Variants in CDH23 observed in about 807,000 individuals in gnomAD.
The protein encoded by CDH23 is cadherin related 23.
In CDH23, 189 loss-of-function variants were observed where a neutral mutation model predicts 317.1. The ratio of observed to expected loss-of-function variants is 0.60; its 90% confidence interval spans 0.53 to 0.67. The LOEUF (loss-of-function observed/expected upper bound fraction) is 0.67. Among genes scored for constraint, CDH23 ranks in the 30% least tolerant of loss-of-function variants. CDH23 has a pLI of 0.00. For synonymous variants in CDH23, 1,839 were observed against 1,876.8 expected, an observed-to-expected ratio of 0.98 and a Z score of 0.52; for missense variants, 4,401 against 4,592.4, an observed-to-expected ratio of 0.96 and a Z score of 1.20.
intron 38 of CDH23, among the ~76,000 whole-genome samples, chr10:71,772,050 G>A (rs1262123955): frequency 6.6e-6 from 1 of 152,168 alleles, no homozygotes; most frequent in African/African-American, 2.4e-5. Context: ...GCCCTGCCAT[G>A]AGCCATGGCC....
In CDH23 at chr10:71,761,714, G is replaced by A; in HGVS notation, c.4846-15966G>A. 3.1e-6 allele frequency: 5 copies of A among 1,614,132 alleles called. No individual in the cohort carries two copies. In the South Asian group the frequency reaches 5.5e-5, roughly 18 times the overall value. On this transcript the variant is annotated intron_variant, in intron 38 of 69. Coordinates refer to ENST00000224721, the MANE Select transcript of CDH23 (RefSeq NM_022124.6). ...ATCCAGCAGGGTCAGGTTGCGCATGGTGATGGAGAAGTTGCCATGGTGGTC... is the reference window on the plus strand; with the variant it reads ...ATCCAGCAGGGTCAGGTTGCGCATGATGATGGAGAAGTTGCCATGGTGGTC...
intron 3 of CDH23, among the ~76,000 whole-genome samples, chr10:71,489,985 T>C (rs1040055796): frequency 3.9e-5 from 6 of 152,066 alleles, no homozygotes; most frequent in Non-Finnish European, 7.4e-5. Context: ...CTAGTCACTC[T>C]GACAATAAGG....
rs768245109 is a variant in CDH23, at chr10:71,439,907, A to C, written c.67+9A>C. On this transcript the variant is annotated intron_variant, in intron 2 of 69. Coordinates refer to ENST00000224721, the MANE Select transcript of CDH23 (RefSeq NM_022124.6). ...GATCTCTGGATGCTGGGGTAAGTCC[A>C]GTCCTCCCCGTGTCTATCCCATGGG... 6.4e-7 allele frequency: 1 copy of C among 1,566,804 alleles called. No individual in the cohort carries two copies. Among genetic ancestry groups the C allele is most frequent in the East Asian group, 2.4e-5 (1 of 42,458 alleles).
chr10:71,678,219 C>T (rs888792028), intron 16 of CDH23, among the ~76,000 whole-genome samples: 8 of 152,122 alleles, frequency 5.3e-5, no homozygotes, highest in African/African-American at 1.9e-4. Context: ...TCAGGACCTC[C>T]TCCAAGCCCT....
At chr10:71,445,440 C>G (rs1422261946) in intron 2 of CDH23, among the ~76,000 whole-genome samples, 1 of 152,216 alleles carries the variant, frequency 6.6e-6, no homozygotes, top group Non-Finnish European at 1.5e-5. Flanking sequence ...ACCCGTCAAC[C>G]AAGCCCTGTC....
At chr10:71,586,317 C>T (rs764627338) in intron 9 of CDH23, among the ~76,000 whole-genome samples, 1 of 152,118 alleles carries the variant, frequency 6.6e-6, no homozygotes, top group Non-Finnish European at 1.5e-5. Flanking sequence ...AAGATAACTG[C>T]TTTTTATTGA....
At chr10:71,442,014 C>A (rs1397849788) in intron 2 of CDH23, among the ~76,000 whole-genome samples, 1 of 152,178 alleles carries the variant, frequency 6.6e-6, no homozygotes, top group Non-Finnish European at 1.5e-5. Context: ...CTCAGGTTGT[C>A]AAAGTGATCA....
At chr10:71,489,410 C>A (rs755382642) in intron 3 of CDH23, among the ~76,000 whole-genome samples, 2 of 152,112 alleles carry the variant, frequency 1.3e-5, no homozygotes, top group Non-Finnish European at 2.9e-5. Context: ...TTCCTAAGGG[C>A]TCTATTTGAC....
intron 3 of CDH23, among the ~76,000 whole-genome samples, chr10:71,466,944 A>G (rs1318682811): frequency 3.9e-5 from 6 of 152,098 alleles, no homozygotes; most frequent in Admixed American, 3.9e-4. Flanking sequence ...ACTGCTGTTC[A>G]TTATAAGGCT....
chr10:71,734,233 C>T lies in CDH23; in HGVS notation c.4105-7C>T, dbSNP rs1589384274. 6.2e-7 allele frequency: 1 copy of T among 1,603,996 alleles called. No individual in the cohort carries two copies. The highest frequency in any genetic ancestry group is 1.1e-5 in the South Asian group (1 of 88,942). On this transcript the variant is annotated splice_region_variant and splice_polypyrimidine_tract_variant and intron_variant, in intron 32 of 69. Transcript: ENST00000224721. The stretch of plus-strand genomic sequence containing the variant: ...TGTCACTCACCCATCTGGCCCCTTC[C>T]CTGCAGGGTGTGATCACAGTCCAGG...
At chr10:71,472,423 G>A (rs571763119) in intron 3 of CDH23, among the ~76,000 whole-genome samples, 81 of 152,270 alleles carry the variant, frequency 5.3e-4, no homozygotes, top group Middle Eastern at 3.4e-3. Context: ...TCTATCACCC[G>A]TGTGACCGAT....
chr10:71,648,107 A>C (rs1344395539), intron 14 of CDH23, among the ~76,000 whole-genome samples: 1 of 152,226 alleles, frequency 6.6e-6, no homozygotes, highest in Non-Finnish European at 1.5e-5. Flanking sequence ...ATGTTTAGCC[A>C]GTCAGGCTGT....
intron 38 of CDH23, chr10:71,773,454 C>T: frequency 1.3e-6 from 2 of 1,581,810 alleles, no homozygotes; most frequent in Non-Finnish European, 1.7e-6. Context: ...CCGTCGGACG[C>T]GCAGAGGAAC....
At chr10:71,480,743 G>A (rs1383035048) in intron 3 of CDH23, among the ~76,000 whole-genome samples, 1 of 152,210 alleles carries the variant, frequency 6.6e-6, no homozygotes, top group Non-Finnish European at 1.5e-5. Context: ...GAGGAGCCAG[G>A]ATGAGTGTAG....
chr10:71,690,406 G>T, intron 19 of CDH23, 62 bp from the exon 20 acceptor site: 4 of 1,259,700 alleles, frequency 3.2e-6, no homozygotes, highest in Non-Finnish European at 4.5e-6. Flanking sequence ...CAGGGCTGGG[G>T]CCTTGAAGCC....
chr10:71,644,159 C>G (rs544308983), intron 12 of CDH23, among the ~76,000 whole-genome samples: 1 of 152,242 alleles, frequency 6.6e-6, no homozygotes, highest in Non-Finnish European at 1.5e-5. Context: ...CACAGCCTGA[C>G]AGGCCCAGAG....
At chr10:71,413,346 T>G (rs1848414368) in intron 1 of CDH23, among the ~76,000 whole-genome samples, 1 of 152,256 alleles carries the variant, frequency 6.6e-6, no homozygotes, top group South Asian at 2.1e-4. Context: ...TAAGTCTGTC[T>G]TTATGTAAGT....
At chr10:71,762,262 G>A (rs1840413580) in intron 38 of CDH23, among the ~76,000 whole-genome samples, 1 of 152,238 alleles carries the variant, frequency 6.6e-6, no homozygotes, top group Admixed American at 6.5e-5. Flanking sequence ...TGCTGGACAG[G>A]GCAGGGAGAG....
intron 9 of CDH23, among the ~76,000 whole-genome samples, chr10:71,586,805 A>G (rs953517781): frequency 1.3e-5 from 2 of 152,190 alleles, no homozygotes; most frequent in Admixed American, 6.5e-5. Flanking sequence ...TACAAATATC[A>G]TGTTATACAT....
Sources: allele counts gnomAD v4.1 joint callset (sites outside exome capture counted in the v4.1 genomes callset), GRCh38; gene constraint gnomAD v4.1.1; transcripts MANE v1.5; gene names NCBI Gene and HGNC (gene_info 2026-07-23, HGNC 2026-07-21).